The following ADGRG4 variants were observed in gnomAD, a reference collection of about 807,000 sequenced individuals.
The protein encoded by ADGRG4 is adhesion G protein-coupled receptor G4, also known as G protein-coupled receptor 112.
In ADGRG4, 122 loss-of-function variants were observed where a neutral mutation model predicts 126.2. The ratio of observed to expected loss-of-function variants is 0.97; its 90% confidence interval spans 0.83 to 1.12. The LOEUF (loss-of-function observed/expected upper bound fraction) is 1.12. ADGRG4 is among the 50% of genes most tolerant of loss of function. The pLI, the probability that ADGRG4 is intolerant of heterozygous loss-of-function variation, is 0.00. For missense variants in ADGRG4, 2,481 were observed against 2,251.8 expected, an observed-to-expected ratio of 1.10 and a Z score of -2.06; for synonymous variants, 943 against 838.7, an observed-to-expected ratio of 1.12 and a Z score of -2.15.
rs752248758 is a variant in ADGRG4 at position 136,344,556 on chromosome X, A to G, written c.850A>G (p.Ile284Val). The G allele has an allele frequency of 9.1e-5, 109 of 1,203,128 alleles. No homozygotes were observed. Among genetic ancestry groups the G allele is most frequent in the Non-Finnish European group, 1.2e-4 (104 of 889,174 alleles). ...IPIFATDYTT[I>V]SYSNTTSPPL... ...TATATTTGCAACTGATTACACAACC[A>G]TATCATATTCCAATACAACATCTCC... The change falls in exon 6 of 26, where the codon ATA (isoleucine) becomes GTA (valine). Residue 284 changes from isoleucine (I) to valine (V), a missense_variant. Transcript: ENST00000394143.
intron 13 of ADGRG4, among the ~76,000 whole-genome samples, chrX:136,368,216 T>C (rs776204367): frequency 3.6e-5 from 4 of 112,579 alleles, no homozygotes; most frequent in Non-Finnish European, 7.5e-5. Context: ...TGTTTTAACT[T>C]CTTACTCTAT....
At chrX:136,319,230 C>T (rs750802585) in intron 4 of ADGRG4, among the ~76,000 whole-genome samples, 2 of 112,418 alleles carry the variant, frequency 1.8e-5, no homozygotes, top group African/African-American at 3.2e-5. Context: ...CCAGAGGCTG[C>T]GGTGGGGCTC....
intron 5 of ADGRG4, 100 bp from the exon 6 acceptor site, chrX:136,344,292 T>C: frequency 3.7e-6 from 2 of 533,732 alleles, no homozygotes; most frequent in Non-Finnish European, 6.0e-6. Context: ...ATATCTATGA[T>C]ACTTTCTTAC....
At chrX:136,394,981 C>T (rs1253099560) in intron 18 of ADGRG4, among the ~76,000 whole-genome samples, 2 of 111,618 alleles carry the variant, frequency 1.8e-5, no homozygotes, top group African/African-American at 3.3e-5. Flanking sequence ...CTTTGAATTG[C>T]GGGTTCAGCT....
Position 136,323,118 on chromosome X carries a change from G to C in ADGRG4, c.411G>C (p.Leu137=). 8.3e-7 allele frequency: 1 copy of C among 1,211,531 alleles called. No individual in the cohort carries two copies. Among genetic ancestry groups the C allele is most frequent in the African/African-American group, 1.7e-5 (1 of 57,737 alleles). The change falls in exon 5 of 26, where the codon CTG becomes CTC. Residue 137 remains leucine (L), a synonymous_variant. Coordinates refer to ENST00000394143, the MANE Select transcript of ADGRG4 (RefSeq NM_153834.4). ...DGVKGKLELF[L]NKERILEVTD... Reference sequence around the variant, plus strand: ...TGAAGGGCAAATTAGAACTCTTCCTGAATAAAGAAAGGATACTGGAAGTAA... The same window carrying C: ...TGAAGGGCAAATTAGAACTCTTCCTCAATAAAGAAAGGATACTGGAAGTAA...
At position 136,371,443 on chromosome X, in the gene ADGRG4, TG is replaced by T. The variant is rs766420274; in HGVS notation, c.7513del (p.Glu2505ArgfsTer2). On this transcript the variant is annotated frameshift_variant, in exon 14 of 26. Coordinates refer to ENST00000394143, the MANE Select transcript of ADGRG4 (RefSeq NM_153834.4). LOFTEE classifies it high-confidence loss of function. ...SKISDISQCD[E>X]ISMNLTHVML... is the part of the protein sequence containing the mutation. ...AAATATCAGATATTTCACAATGTGA[TG>T]AGATAAGTATGAACCTAACTCATGT... 27 of 1,190,942 alleles carry T rather than the reference TG, an allele frequency of 2.3e-5. No individual in the cohort carries two copies. The highest frequency in any genetic ancestry group is 2.8e-5 in the Non-Finnish European group (25 of 880,880).
chrX:136,372,066 A>G (rs2075197982), intron 14 of ADGRG4, among the ~76,000 whole-genome samples: 1 of 111,573 alleles, frequency 9.0e-6, no homozygotes, highest in Non-Finnish European at 1.9e-5. Context: ...TCAAATTCGA[A>G]TTGAATCTTA....
chrX:136,397,491 C>CTTTTTTTTTTTTTTTTTTTT (rs1184936316), intron 19 of ADGRG4, among the ~76,000 whole-genome samples: 7 of 50,580 alleles, frequency 1.4e-4, no homozygotes, highest in African/African-American at 1.5e-4. Context: ...AGGAAAAGGA[C>CTTTTTTTTTTTTTTTTTTTT]TTTTTTTTTT....
In ADGRG4 at chrX:136,344,929, A is replaced by G; in HGVS notation, c.1223A>G (p.Glu408Gly). 8.3e-7 allele frequency: 1 copy of G among 1,209,220 alleles called. No homozygotes were observed. The highest frequency in any genetic ancestry group is 1.1e-6 in the Non-Finnish European group (1 of 893,178). Residue 408 changes from glutamate (E) to glycine (G), a missense_variant, in exon 6 of 26, where the codon GAG (glutamate) becomes GGG (glycine). Glu to Gly is a moderately conservative substitution (Grantham distance 98). Coordinates refer to ENST00000394143, the MANE Select transcript of ADGRG4 (RefSeq NM_153834.4). ...TKTTSLFSTI[E>G]STSMSTTPCL... The stretch of plus-strand genomic sequence containing the variant: ...ACAACATCTTTATTTTCAACTATTG[A>G]GTCAACATCTATGTCTACAACACCT...
At position 136,347,180 on chromosome X, in the gene ADGRG4, C is replaced by T; in HGVS notation, c.3474C>T (p.Ser1158=). 1 of 1,211,173 alleles carries T rather than the reference C, an allele frequency of 8.3e-7. No homozygotes were observed. Among genetic ancestry groups the T allele is most frequent in the Admixed American group, 2.2e-5 (1 of 45,977 alleles). Residue 1158 remains serine, a synonymous_variant, in exon 6 of 26, where the codon TCC becomes TCT. Transcript: ENST00000394143. ...PPPDNIPPAS[S]THVISTTSTP... ...CTGACAACATTCCTCCTGCGTCCTC[C>T]ACTCATGTGATCTCAACTACGTCTA...
At chrX:136,304,592 C>T (rs1200169291) in intron 2 of ADGRG4, among the ~76,000 whole-genome samples, 1 of 112,269 alleles carries the variant, frequency 8.9e-6, no homozygotes, top group East Asian at 2.8e-4. Context: ...TGGGGCAGGG[C>T]ACAGAAAGAA....
At chrX:136,383,806 A>G (rs772287617) in intron 15 of ADGRG4, among the ~76,000 whole-genome samples, 4 of 102,388 alleles carry the variant, frequency 3.9e-5, no homozygotes, top group Admixed American at 1.1e-4. Context: ...TTAATTATAT[A>G]TATTTGCCTT....
rs149725423 is a variant in ADGRG4, at chrX:136,345,036, G to A, written c.1330G>A (p.Gly444Arg). The change falls in exon 6 of 26, where the codon GGA (glycine) becomes AGA (arginine). Residue 444 changes from glycine (G) to arginine (R), a missense_variant. Transcript: ENST00000394143. ...GGAGTTCATTGAATCTACAGCTGCC[G>A]GAACTGTACCTTGGTTTACAGTGGA... ...GQEFIESTAA[G>R]TVPWFTVEKT... 64 of 1,209,420 alleles carry A rather than the reference G, an allele frequency of 5.3e-5. No homozygotes were observed. Among genetic ancestry groups the A allele is most frequent in the South Asian group, 1.6e-4 (9 of 56,792 alleles).
chrX:136,323,153 C>T lies in ADGRG4; in HGVS notation c.446C>T (p.Pro149Leu), dbSNP rs1334566299. 1.7e-6 allele frequency: 2 copies of T among 1,211,734 alleles called. No homozygotes were observed. Among genetic ancestry groups the T allele is most frequent in the Non-Finnish European group, 2.2e-6 (2 of 895,407 alleles). The change falls in exon 5 of 26, where the codon CCA (proline) becomes CTA (leucine). Residue 149 changes from proline to leucine, a missense_variant. Pro to Leu is a moderately conservative substitution (Grantham distance 98, BLOSUM62 -3). Transcript: ENST00000394143. ...KERILEVTDQ[P>L]HNLTPHGTLF... The stretch of plus-strand genomic sequence containing the variant: ...AGGATACTGGAAGTAACGGATCAAC[C>T]ACACAACCTGACACCTCATGGGACT...
chrX:136,369,729 G>A (rs1411026934), intron 13 of ADGRG4, among the ~76,000 whole-genome samples: 1 of 112,081 alleles, frequency 8.9e-6, no homozygotes, highest in Non-Finnish European at 1.9e-5. Flanking sequence ...GCTTCTTTTA[G>A]TTACCAGAAG....
At chrX:136,393,635 C>T (rs1310266979) in intron 18 of ADGRG4, 55 bp downstream of exon 18, 14 of 905,302 alleles carry the variant, frequency 1.5e-5, no homozygotes, top group Non-Finnish European at 6.4e-6. Flanking sequence ...TCCCACTTGG[C>T]AGTTAAATGG....
chrX:136,415,545 G>C (rs1481570895), intron 25 of ADGRG4, among the ~76,000 whole-genome samples: 11 of 111,275 alleles, frequency 9.9e-5, no homozygotes, highest in Non-Finnish European at 2.1e-4. Flanking sequence ...CTTTGTGTGG[G>C]AAAGTTAGTG....
intron 4 of ADGRG4, among the ~76,000 whole-genome samples, chrX:136,311,119 C>T (rs1603290424): frequency 9.1e-6 from 1 of 110,427 alleles, no homozygotes; most frequent in African/African-American, 3.3e-5. Flanking sequence ...CTGCTTTCTT[C>T]CTCTTCTATA....
In ADGRG4 at chrX:136,357,925, G is replaced by A. The variant is rs73637913; in HGVS notation, c.6980+169G>A. Among the ~76,000 whole-genome samples the A allele has an allele frequency of 5.3e-3, 600 of 112,592 alleles. 5 individuals are homozygous for A. The highest frequency in any genetic ancestry group is 0.018 in the African/African-American group (570 of 31,048). ...TTAGGTCCTTGCCTTCATGAAATAT[G>A]TTGTTTCGGTTGGTCATGGCACAGG... On this transcript the variant is annotated intron_variant, in intron 10 of 25. Coordinates refer to ENST00000394143, the MANE Select transcript of ADGRG4 (RefSeq NM_153834.4).
Sources: allele counts gnomAD v4.1 joint callset (sites outside exome capture counted in the v4.1 genomes callset), GRCh38; gene constraint gnomAD v4.1.1; transcripts MANE v1.5; gene names NCBI Gene and HGNC (gene_info 2026-07-23, HGNC 2026-07-21).